Variants in MAML2 observed in about 807,000 individuals in gnomAD.
The protein encoded by MAML2 is mastermind-like protein 2.
A neutral mutation model predicts 96.1 loss-of-function variants in MAML2; 22 were observed. The ratio of observed to expected loss-of-function variants is 0.23; its 90% CI spans 0.16 to 0.33. MAML2 has a LOEUF of 0.33. Ranked by LOEUF, MAML2 falls within the 10% of genes least tolerant of loss-of-function variation. The pLI is 1.00. For missense variants in MAML2, 1,367 were observed against 1,392.4 expected, an observed-to-expected ratio of 0.98 and a Z score of 0.29; for synonymous variants, 561 against 521.3, an observed-to-expected ratio of 1.08 and a Z score of -1.04.
chr11:96,326,926 T>C (rs1390079733), intron 1 of MAML2, among the ~76,000 whole-genome samples: 1 of 152,158 alleles, frequency 6.6e-6, no homozygotes, highest in Non-Finnish European at 1.5e-5. Context: ...ACTGCCCAGG[T>C]TCTTGGTCTC....
chr11:96,200,735 G>T lies in MAML2; in HGVS notation c.514-107218C>A, dbSNP rs76499129. ...AAGCATGTGTATTTGGTGGAGGGTG[G>T]TGGGGGGATACGGGTGGAGAAATGT... On this transcript the variant is annotated intron_variant, in intron 1 of 4. Transcript: ENST00000524717. Among the ~76,000 whole-genome samples the T allele has an allele frequency of 3.4e-3, 521 of 152,288 alleles. 15 individuals carry two copies. The highest frequency in any genetic ancestry group is 0.026 in the East Asian group (134 of 5,180).
chr11:95,985,670 T>C lies in MAML2; in HGVS notation c.2344-28A>G, dbSNP rs766197805. On this transcript the variant is annotated intron_variant, in intron 3 of 4. Transcript: ENST00000524717. ...TGAGAAATGATATGAAAGCATATTATGTTGCATCATTCCCTTTTCACTTGT... is the reference window on the plus strand; with the variant it reads ...TGAGAAATGATATGAAAGCATATTACGTTGCATCATTCCCTTTTCACTTGT... 6.5e-6 allele frequency: 9 copies of C among 1,391,556 alleles called. No individual in the cohort carries two copies. The African/African-American group carries it at 8.5e-5, about 13-fold the overall frequency. 86.2% of individuals were successfully genotyped at this position (1,391,556 alleles called of 1,614,324 possible).
At chr11:96,130,767 C>A (rs1205469316) in intron 1 of MAML2, among the ~76,000 whole-genome samples, 1 of 133,786 alleles carries the variant, frequency 7.5e-6, no homozygotes, top group Admixed American at 7.3e-5. Context: ...ATTGTTTATT[C>A]TGATTTTTTT....
chr11:95,988,096 T>C (rs1857856420), intron 3 of MAML2, among the ~76,000 whole-genome samples: 1 of 151,488 alleles, frequency 6.6e-6, no homozygotes, highest in East Asian at 1.9e-4. Context: ...GTTTCTACCG[T>C]TTATACTGAA....
intron 1 of MAML2, among the ~76,000 whole-genome samples, chr11:96,254,363 G>C (rs2135968810): frequency 6.6e-6 from 1 of 151,776 alleles, no homozygotes; most frequent in East Asian, 1.9e-4. Flanking sequence ...TCAGGGGCGA[G>C]TGGGAGTGCG....
chr11:96,242,385 AATC>A (rs559718632), intron 1 of MAML2, among the ~76,000 whole-genome samples: 153 of 152,318 alleles, frequency 1.0e-3, no homozygotes, highest in Admixed American at 2.8e-3. Context: ...CTGGTTGTGA[AATC>A]ATCAGACTGA....
chr11:96,318,569 G>A (rs1212540517), intron 1 of MAML2, among the ~76,000 whole-genome samples: 1 of 152,272 alleles, frequency 6.6e-6, no homozygotes, highest in Non-Finnish European at 1.5e-5. Context: ...TTCCTGCTAA[G>A]TCTGGTCAAG....
At chr11:96,001,308 G>A (rs958874432) in intron 2 of MAML2, among the ~76,000 whole-genome samples, 2 of 152,110 alleles carry the variant, frequency 1.3e-5, no homozygotes, top group Non-Finnish European at 1.5e-5. Flanking sequence ...GGGTCAGGGT[G>A]GAGTGGGAAG....
chr11:96,307,199 C>T (rs1278606586), intron 1 of MAML2, among the ~76,000 whole-genome samples: 1 of 152,206 alleles, frequency 6.6e-6, no homozygotes, highest in African/African-American at 2.4e-5. Context: ...CTTTCCTTTT[C>T]TAACAGCAAA....
At chr11:96,185,681 G>A (rs1206497637) in intron 1 of MAML2, among the ~76,000 whole-genome samples, 1 of 152,190 alleles carries the variant, frequency 6.6e-6, no homozygotes, top group African/African-American at 2.4e-5. Context: ...GATTAAGCAA[G>A]ATTCTCAGGT....
At chr11:95,988,175 T>G (rs1046635765) in intron 3 of MAML2, among the ~76,000 whole-genome samples, 2 of 150,768 alleles carry the variant, frequency 1.3e-5, no homozygotes, top group Non-Finnish European at 3.0e-5. Context: ...AAGAGAGAGA[T>G]AAAGAGAAGA....
chr11:96,318,552 C>T (rs796239826), intron 1 of MAML2, among the ~76,000 whole-genome samples: 1 of 152,170 alleles, frequency 6.6e-6, no homozygotes, highest in African/African-American at 2.4e-5. Context: ...AAAACAGATA[C>T]CCCTATTTCC....
chr11:96,075,934 A>G (rs927773580), intron 2 of MAML2, among the ~76,000 whole-genome samples: 3 of 152,230 alleles, frequency 2.0e-5, no homozygotes, highest in Non-Finnish European at 4.4e-5. Context: ...GCTATGTGAC[A>G]TTCTCATGCT....
At chr11:96,027,513 AAATAAACACAATGTG>A (rs1858544753) in intron 2 of MAML2, among the ~76,000 whole-genome samples, 1 of 152,136 alleles carries the variant, frequency 6.6e-6, no homozygotes, top group Non-Finnish European at 1.5e-5. Flanking sequence ...ATGATCTGGA[AAATAAACACAATGTG>A]AAAAGTGCTC....
rs769195855 is a variant in MAML2 at position 95,991,601 on chromosome 11, C to T, written c.2262G>A (p.Met754Ile). The part of the protein sequence containing the change: ...SQQSLLNQQL[M>I]GKKQTLQRQI... ...GCCTCTGTAGAGTCTGCTTCTTTCC[C>T]ATCAATTGCTGATTCAACAGTGATT... The change falls in exon 3 of 5, where the codon ATG (methionine) becomes ATA (isoleucine). Residue 754 changes from methionine to isoleucine, a missense_variant. Transcript: ENST00000524717. 12 of 1,613,640 alleles carry T rather than the reference C, an allele frequency of 7.4e-6. No homozygotes were observed. Among genetic ancestry groups the T allele is most frequent in the Non-Finnish European group, 1.0e-5 (12 of 1,179,758 alleles).
Position 95,991,565 on chromosome 11 carries a change from C to A in MAML2, c.2298G>T (p.Glu766Asp). Residue 766 changes from glutamate (E) to aspartate (D), a missense_variant, in exon 3 of 5, where the codon GAG becomes GAT. Glu to Asp is a conservative substitution (Grantham distance 45). Coordinates refer to ENST00000524717, the MANE Select transcript of MAML2 (RefSeq NM_032427.4). ...GCTGGAGAAGAAGTTGCTGTTTCTG[C>A]TCCATGATCTGCCTCTGTAGAGTCT... ...KKQTLQRQIM[E>D]QKQQLLLQQQ... 1 of 1,613,798 alleles carries A rather than the reference C, an allele frequency of 6.2e-7. No homozygotes were observed. Among genetic ancestry groups the A allele is most frequent in the Admixed American group, 1.7e-5 (1 of 60,008 alleles).
At chr11:96,315,205 T>C (rs1455727481) in intron 1 of MAML2, among the ~76,000 whole-genome samples, 3 of 134,706 alleles carry the variant, frequency 2.2e-5, no homozygotes, top group Non-Finnish European at 3.2e-5. Flanking sequence ...CTAATGTAGA[T>C]GGAAGGTGGG....
At chr11:96,288,933 T>C (rs570487000) in intron 1 of MAML2, among the ~76,000 whole-genome samples, 1 of 152,322 alleles carries the variant, frequency 6.6e-6, no homozygotes, top group Non-Finnish European at 1.5e-5. Context: ...TTAATATGTA[T>C]GCTCTGATAA....
At chr11:96,101,949 A>G (rs2135822471) in intron 1 of MAML2, among the ~76,000 whole-genome samples, 1 of 152,368 alleles carries the variant, frequency 6.6e-6, no homozygotes, top group South Asian at 2.1e-4. Flanking sequence ...CCATGTAGCT[A>G]AAGCTCAAAA....
Sources: allele counts gnomAD v4.1 joint callset (sites outside exome capture counted in the v4.1 genomes callset), GRCh38; gene constraint gnomAD v4.1.1; transcripts MANE v1.5; gene names NCBI Gene and HGNC (gene_info 2026-07-23, HGNC 2026-07-21).